DLGAP1: variants seen among roughly 807,000 people sequenced by gnomAD.
DLGAP1 encodes DLG associated protein 1, also known as disks large-associated protein 1.
A neutral mutation model predicts 90.8 loss-of-function variants in DLGAP1; 11 were observed. The observed-to-expected ratio is 0.12, with a 90% CI of 0.08 to 0.20. The LOEUF (loss-of-function observed/expected upper bound fraction) is 0.20, where lower values mean the gene tolerates loss of function less well. DLGAP1 is among the 10% of genes least tolerant of loss of function. The pLI is 1.00. For missense variants in DLGAP1, 1,050 were observed against 1,333.8 expected (o/e 0.79, Z 3.31); for synonymous variants, 558 against 540.7 (o/e 1.03, Z -0.44).
At chr18:3,513,314 G>T (rs1486001469) in intron 10 of DLGAP1, among the ~76,000 whole-genome samples, 1 of 152,158 alleles carries the variant, frequency 6.6e-6, no homozygotes, top group Non-Finnish European at 1.5e-5. Context: ...TATGAATGAG[G>T]TCTCACTGTG....
chr18:4,213,364 A>G (rs562774576), intron 1 of DLGAP1, among the ~76,000 whole-genome samples: 1 of 152,220 alleles, frequency 6.6e-6, no homozygotes, highest in African/African-American at 2.4e-5. Context: ...TGCCAAGTTG[A>G]CCCCTGAAGT....
chr18:3,647,606 C>T (rs2059166376), intron 7 of DLGAP1, among the ~76,000 whole-genome samples: 1 of 151,938 alleles, frequency 6.6e-6, no homozygotes, highest in Non-Finnish European at 1.5e-5. Context: ...CCTGGGACTA[C>T]AGGTGTGTGC....
chr18:3,888,862 C>T (rs901803069), intron 3 of DLGAP1, among the ~76,000 whole-genome samples: 13 of 152,192 alleles, frequency 8.5e-5, no homozygotes, highest in African/African-American at 3.1e-4. Flanking sequence ...CCTGTGCTGA[C>T]TCTATGGGAC....
intron 1 of DLGAP1, among the ~76,000 whole-genome samples, chr18:4,306,434 TG>T (rs2143371192): frequency 9.8e-6 from 1 of 101,666 alleles, no homozygotes; most frequent in South Asian, 2.7e-4. Flanking sequence ...AGAGTGTGTG[TG>T]TGTGTGTGTG....
chr18:4,039,633 T>G (rs1484968510), intron 2 of DLGAP1, among the ~76,000 whole-genome samples: 1 of 152,210 alleles, frequency 6.6e-6, no homozygotes, highest in Non-Finnish European at 1.5e-5. Context: ...TATGTTTCAT[T>G]ACTGTATTTG....
At chr18:3,639,650 G>T (rs548320613) in intron 7 of DLGAP1, among the ~76,000 whole-genome samples, 4 of 151,988 alleles carry the variant, frequency 2.6e-5, no homozygotes, top group Non-Finnish European at 4.4e-5. Flanking sequence ...AGTGACTCAG[G>T]CAAAAAGCCT....
At chr18:3,864,109 A>G (rs2148757007) in intron 4 of DLGAP1, among the ~76,000 whole-genome samples, 1 of 152,350 alleles carries the variant, frequency 6.6e-6, no homozygotes, top group South Asian at 2.1e-4. Flanking sequence ...TGCTAAAGAA[A>G]TCTTGGTTGA....
At position 3,978,109 on chromosome 18, in the gene DLGAP1, T is replaced by C. The variant is rs2073637553; in HGVS notation, c.-73+27007A>G. 4 of 440,198 alleles carry C rather than the reference T, an allele frequency of 9.1e-6. No homozygotes were observed. The Admixed American group carries it at 9.8e-5, about 11-fold the overall frequency. The allele number at this position is 440,198 out of a possible 1,614,324, so 27.3% of individuals were successfully genotyped here. On this transcript the variant is annotated intron_variant, in intron 3 of 12. Coordinates refer to ENST00000315677, the MANE Select transcript of DLGAP1 (RefSeq NM_004746.4). ...GCAGTAATGGCGTGGACCATGGCCA[T>C]GAGTCCTTCCACGATTCCAAAGTTG...
Position 3,939,639 on chromosome 18 carries a change from T to C in DLGAP1, c.-72-59499A>G, listed in dbSNP as rs1014519440. 6.6e-5 allele frequency among the ~76,000 whole-genome samples: 10 copies of C among 152,298 alleles called. 1 individual carries two copies. The South Asian group carries it at 1.9e-3, about 28-fold the overall frequency. On this transcript the variant is annotated intron_variant, in intron 3 of 12. Transcript: ENST00000315677. ...AGGGATACATATCTACATATCTGCA[T>C]ATCCAAAGATAAATTTCATGCTCTT... is the stretch of plus-strand genomic sequence containing the variant.
intron 11 of DLGAP1, among the ~76,000 whole-genome samples, chr18:3,504,674 C>T (rs3888653): frequency 0.42 from 63,740 of 152,096 alleles, 14,103 homozygotes; most frequent in East Asian, 0.67. Flanking sequence ...CAAGCCACTT[C>T]GCCCCGCCAG....
chr18:3,693,805 G>T (rs1026247805), intron 7 of DLGAP1, among the ~76,000 whole-genome samples: 1 of 152,216 alleles, frequency 6.6e-6, no homozygotes, highest in Non-Finnish European at 1.5e-5. Flanking sequence ...GGAGCATTTA[G>T]TCTCAGCATC....
At chr18:4,164,765 G>A (rs2076905500) in intron 1 of DLGAP1, among the ~76,000 whole-genome samples, 1 of 152,042 alleles carries the variant, frequency 6.6e-6, no homozygotes. Context: ...TGAAAAAATA[G>A]AGAATTTCAG....
intron 1 of DLGAP1, among the ~76,000 whole-genome samples, chr18:4,190,159 T>C (rs1158915866): frequency 6.6e-6 from 1 of 152,048 alleles, no homozygotes; most frequent in East Asian, 1.9e-4. Context: ...GATATATTCA[T>C]GCAAGGAGAT....
At chr18:4,115,866 T>C (rs956041917) in intron 2 of DLGAP1, among the ~76,000 whole-genome samples, 8 of 152,218 alleles carry the variant, frequency 5.3e-5, no homozygotes, top group South Asian at 2.1e-4. Context: ...ATAAACTCAC[T>C]AATATAATGA....
chr18:3,941,871 C>A (rs906149426), intron 3 of DLGAP1, among the ~76,000 whole-genome samples: 5 of 152,188 alleles, frequency 3.3e-5, no homozygotes, highest in African/African-American at 1.2e-4. Flanking sequence ...TGCCAGCATG[C>A]CTGGCTAATT....
rs531796495 is a variant in DLGAP1 at position 4,454,911 on chromosome 18, G to A, written c.-267+95C>T. The stretch of plus-strand genomic sequence containing the variant: ...AGCCCCTCCGCGGGCGAGGGAAGCG[G>A]CGACCGCGCGGCAGGCAGCAGCCAG... On this transcript the variant is annotated intron_variant, in intron 1 of 12. Coordinates refer to ENST00000315677, the MANE Select transcript of DLGAP1 (RefSeq NM_004746.4). The surrounding 1 kb of genome is among the most constrained non-coding windows in gnomAD (Gnocchi z 4.7). The A allele has an allele frequency of 1.1e-4, 16 of 151,012 alleles. No homozygotes were observed. Among genetic ancestry groups the A allele is most frequent in the African/African-American group, 3.6e-4 (15 of 41,378 alleles). The allele number at this position is 151,012 out of a possible 1,614,324, so 9.4% of individuals were successfully genotyped here.
intron 1 of DLGAP1, among the ~76,000 whole-genome samples, chr18:4,365,974 A>T (rs943414627): frequency 6.6e-5 from 10 of 152,240 alleles, no homozygotes; most frequent in South Asian, 4.1e-4. Flanking sequence ...CTTTAGCAAG[A>T]TACACTGATT....
At chr18:3,902,736 A>G (rs1404570322) in intron 3 of DLGAP1, among the ~76,000 whole-genome samples, 1 of 152,154 alleles carries the variant, frequency 6.6e-6, no homozygotes, top group Non-Finnish European at 1.5e-5. Flanking sequence ...TCAGACATTC[A>G]AAGTCCTCCA....
intron 7 of DLGAP1, among the ~76,000 whole-genome samples, chr18:3,649,261 TG>T (rs2059217112): frequency 6.6e-6 from 1 of 152,162 alleles, no homozygotes; most frequent in Non-Finnish European, 1.5e-5. Flanking sequence ...AAAAACAGAC[TG>T]GGGGACAATC....
Sources: gnomAD v4.1 joint callset for allele counts (sites outside exome capture counted in the v4.1 genomes callset) on GRCh38, gnomAD v4.1.1 for gene constraint, Gnocchi (gnomAD v3.1) non-coding constraint, MANE v1.5 for transcripts, NCBI Gene and HGNC (gene_info 2026-07-23, HGNC 2026-07-21) for gene names.